PCID2: variants seen among roughly 807,000 people sequenced by gnomAD.
PCID2 encodes PCI domain-containing protein 2.
Under a neutral mutation model 61.3 loss-of-function variants are expected in PCID2, and 41 were observed. The ratio of observed to expected loss-of-function variants is 0.67; its 90% CI spans 0.52 to 0.87. PCID2 has a LOEUF of 0.87. Ranked by LOEUF, PCID2 falls within the 40% of genes least tolerant of loss-of-function variation. PCID2 has a pLI of 0.00. For synonymous variants in PCID2, 187 were observed against 177.8 expected (o/e 1.05, Z -0.41); for missense variants, 392 against 493.4 (o/e 0.79, Z 1.95).
intron 13 of PCID2, 94 bp from the exon 14 acceptor site, chr13:113,178,381 T>C (rs749624717): frequency 2.3e-6 from 2 of 880,010 alleles, no homozygotes; most frequent in Non-Finnish European, 3.8e-6. Flanking sequence ...ATTAGCATTC[T>C]TCCCCAAGAG....
At chr13:113,199,583 T>C (rs116834562) in intron 2 of PCID2, among the ~76,000 whole-genome samples, 2,624 of 152,282 alleles carry the variant, frequency 0.017, 71 homozygotes, top group African/African-American at 0.059. Context: ...TGAAGGGATC[T>C]GTCTCAGATT....
At chr13:113,170,283 G>T in the PCID2 span, 1 of 624,516 alleles carries the variant, frequency 1.6e-6, no homozygotes, top group East Asian at 2.9e-5. Context: ...AATCAAATAC[G>T]GCTGTCTGCC....
chr13:113,208,150 A>C lies in PCID2; in HGVS notation c.36+449T>G. On this transcript the variant is annotated intron_variant, in intron 1 of 13. Transcript: ENST00000337344. ...CACGAGCCCGGCCTGCAGCACGGCC[A>C]CAGCCTCGCGCTTACTCCTCCATCG... 2 of 1,601,452 alleles carry C rather than the reference A, an allele frequency of 1.2e-6. 1 individual carries two copies. Among genetic ancestry groups the C allele is most frequent in the Non-Finnish European group, 1.7e-6 (2 of 1,175,214 alleles).
At chr13:113,189,742 G>T (rs1264909933) in intron 7 of PCID2, among the ~76,000 whole-genome samples, 2 of 150,422 alleles carry the variant, frequency 1.3e-5, no homozygotes, top group African/African-American at 4.9e-5. Flanking sequence ...AAGGATTGAG[G>T]TCAGGTGCAG....
rs936610166 is a variant in PCID2 at position 113,196,174 on chromosome 13, C to T, written c.308+7G>A. On this transcript the variant is annotated splice_region_variant and intron_variant, in intron 5 of 13. Transcript: ENST00000337344. The stretch of plus-strand genomic sequence containing the variant: ...TTGCTAATTCAGCTGTTTCTGTTCA[C>T]ACTTACCAGTTTTCTTCTTTGTGGG... The T allele has an allele frequency of 2.5e-6, 4 of 1,604,364 alleles. No homozygotes were observed. Among genetic ancestry groups the T allele is most frequent in the Admixed American group, 1.7e-5 (1 of 59,968 alleles).
chr13:113,197,487 G>A (rs2039104128), intron 3 of PCID2, among the ~76,000 whole-genome samples: 1 of 152,216 alleles, frequency 6.6e-6, no homozygotes, highest in South Asian at 2.1e-4. Flanking sequence ...AACACATGTT[G>A]ATAACATAGT....
intron 7 of PCID2, chr13:113,186,547 C>T (rs992647259): frequency 1.5e-5 from 2 of 136,222 alleles, no homozygotes; most frequent in African/African-American, 5.1e-5. Flanking sequence ...TGGGGCCCTA[C>T]GGAGTCTCAC....
intron 4 of PCID2, among the ~76,000 whole-genome samples, chr13:113,196,738 C>A (rs1595236926): frequency 6.6e-6 from 1 of 152,202 alleles, no homozygotes; most frequent in East Asian, 1.9e-4. Context: ...TAAAGATACC[C>A]TTTAAATGAC....
At chr13:113,190,688 C>T (rs2038537810) in intron 7 of PCID2, 184 bp downstream of exon 7, 3 of 439,922 alleles carry the variant, frequency 6.8e-6, no homozygotes, top group South Asian at 1.1e-4. Flanking sequence ...TCTTTTTTCC[C>T]TCAGCTCTTA....
intron 1 of PCID2, among the ~76,000 whole-genome samples, chr13:113,203,533 G>C (rs538602371): frequency 5.9e-4 from 90 of 152,350 alleles, no homozygotes; most frequent in African/African-American, 1.6e-3. Context: ...CTACAGATCA[G>C]TATTTTGCAA....
At chr13:113,170,394 T>A in the PCID2 span, 1 of 1,423,690 alleles carries the variant, frequency 7.0e-7, no homozygotes, top group African/African-American at 1.4e-5. Context: ...CTATTTATTG[T>A]CTGTTTTGAT....
downstream of PCID2, among the ~76,000 whole-genome samples, chr13:113,172,904 G>A (rs368177537): frequency 3.3e-5 from 5 of 152,286 alleles, no homozygotes; most frequent in African/African-American, 7.2e-5. Context: ...CTAGGGCAAC[G>A]CCCAGCACTG....
intron 5 of PCID2, among the ~76,000 whole-genome samples, 179 bp downstream of exon 5, chr13:113,196,002 T>C (rs777796189): frequency 2.2e-4 from 33 of 152,200 alleles, no homozygotes; most frequent in Non-Finnish European, 4.1e-4. Context: ...TGATCTACCA[T>C]TTCAGTTTAC....
chr13:113,196,108 A>T, intron 5 of PCID2, 73 bp downstream of exon 5: 1 of 1,117,068 alleles, frequency 9.0e-7, no homozygotes, highest in Non-Finnish European at 1.4e-6. Context: ...ACATTTATTT[A>T]AAGCAAATTT....
the PCID2 span, among the ~76,000 whole-genome samples, chr13:113,167,205 AGT>A: frequency 2.0e-5 from 3 of 152,204 alleles, no homozygotes; most frequent in South Asian, 4.1e-4. Context: ...TGATGGCGCA[AGT>A]GCCGTCTTCT....
chr13:113,176,977 C>G (rs1595135720), downstream of PCID2, among the ~76,000 whole-genome samples: 1 of 152,212 alleles, frequency 6.6e-6, no homozygotes, highest in African/African-American at 2.4e-5. Context: ...GCAGCCCCAA[C>G]AGCCCAATGT....
intron 1 of PCID2, among the ~76,000 whole-genome samples, chr13:113,207,212 G>A (rs1244335128): frequency 6.6e-6 from 1 of 152,186 alleles, no homozygotes; most frequent in African/African-American, 2.4e-5. Context: ...ACCCGAACCT[G>A]TTATGGTAGT....
At chr13:113,171,541 A>T in the PCID2 span, 1 of 1,611,752 alleles carries the variant, frequency 6.2e-7, no homozygotes, top group Non-Finnish European at 8.5e-7. This position sits in a 1 kb window ranked among gnomAD's most constrained non-coding sequence, Gnocchi z 5.1. Context: ...TTTGAGCATT[A>T]TGTCCCCTTG....
chr13:113,172,566 T>C (rs1171318350), downstream of PCID2, among the ~76,000 whole-genome samples: 3 of 152,082 alleles, frequency 2.0e-5, no homozygotes, highest in East Asian at 5.8e-4. Context: ...CTGAGGACCA[T>C]GGCTCAGTGC....
Sources: gnomAD v4.1 joint callset for allele counts (sites outside exome capture counted in the v4.1 genomes callset) on GRCh38, gnomAD v4.1.1 for gene constraint, Gnocchi (gnomAD v3.1) non-coding constraint, MANE v1.5 for transcripts, NCBI Gene and HGNC (gene_info 2026-07-23, HGNC 2026-07-21) for gene names.